Variants in PCDH15 observed in about 807,000 individuals in gnomAD.
PCDH15 encodes protocadherin related 15, also known as protocadherin-15.
A neutral mutation model predicts 178.5 loss-of-function variants in PCDH15; 129 were observed. The observed-to-expected ratio is 0.72, with a 90% confidence interval of 0.63 to 0.84. The LOEUF is 0.84. Among genes scored for constraint, PCDH15 ranks in the 40% least tolerant of loss-of-function variants. PCDH15 has a pLI of 0.00. For missense variants in PCDH15, 2,230 were observed against 2,099.9 expected, an observed-to-expected ratio of 1.06 and a Z score of -1.21; for synonymous variants, 800 against 732.0, an observed-to-expected ratio of 1.09 and a Z score of -1.50.
intron 3 of PCDH15, among the ~76,000 whole-genome samples, chr10:54,833,338 A>AT (rs1396997640): frequency 6.6e-6 from 1 of 152,146 alleles, no homozygotes; most frequent in African/African-American, 2.4e-5. Context: ...CTGTGAAGGC[A>AT]TTTTTTAGAT....
chr10:54,946,590 C>A (rs968265041), intron 2 of PCDH15, among the ~76,000 whole-genome samples: 2 of 151,832 alleles, frequency 1.3e-5, no homozygotes, highest in Non-Finnish European at 2.9e-5. Flanking sequence ...GAAACACCCC[C>A]GCCCCTGACA....
At position 53,811,818 on chromosome 10, in the gene PCDH15, T is replaced by C. The variant is rs143958133; in HGVS notation, c.4492-199A>G. ...AAATCTATTCATTTTTTTCTGGCTG[T>C]AACCATTTGATACAAAATAAGGTTA... On this transcript the variant is annotated intron_variant, in intron 35 of 37. Coordinates refer to ENST00000644397, the MANE Select transcript of PCDH15 (RefSeq NM_001384140.1). Among the ~76,000 whole-genome samples, 38 of 152,302 alleles carry C rather than the reference T, an allele frequency of 2.5e-4. No individual in the cohort carries two copies. In the East Asian group the frequency reaches 7.3e-3, roughly 29 times the overall value.
rs534783212 is a variant in PCDH15 at position 55,114,210 on chromosome 10, C to G, written c.-80+52366G>C. 3.0e-4 allele frequency among the ~76,000 whole-genome samples: 46 copies of G among 152,272 alleles called. No individual in the cohort carries two copies. In the South Asian group the frequency reaches 8.9e-3, roughly 30 times the overall value. ...TCATGATCCTCCTGCCTTGGCCTCC[C>G]AAAGTGCTGAGATTACATGAGTGAA... On this transcript the variant is annotated intron_variant, in intron 2 of 5. Coordinates refer to the PCDH15 transcript ENST00000458638.
intron 2 of PCDH15, among the ~76,000 whole-genome samples, chr10:55,480,786 A>G (rs1840162286): frequency 6.6e-6 from 1 of 151,726 alleles, no homozygotes; most frequent in Admixed American, 6.6e-5. Flanking sequence ...ATTGGCCTGA[A>G]GTTTTCTTTT....
At chr10:55,149,208 G>T (rs1200231609) in intron 2 of PCDH15, among the ~76,000 whole-genome samples, 2 of 150,996 alleles carry the variant, frequency 1.3e-5, no homozygotes, top group Non-Finnish European at 3.0e-5. Context: ...ATTAGAAATG[G>T]AGCAGTCTTT....
chr10:54,449,415 CCA>C (rs2076331528), intron 3 of PCDH15, among the ~76,000 whole-genome samples: 1 of 151,698 alleles, frequency 6.6e-6, no homozygotes, highest in Non-Finnish European at 1.5e-5. Flanking sequence ...TCCCACATTG[CCA>C]CACACAGTTT....
At chr10:55,479,042 G>T (rs1165182071) in intron 2 of PCDH15, among the ~76,000 whole-genome samples, 5 of 150,630 alleles carry the variant, frequency 3.3e-5, no homozygotes, top group Non-Finnish European at 5.9e-5. Context: ...GAAGATCCTG[G>T]ACTCAGTTCT....
chr10:55,124,444 TA>T (rs1837848479), intron 2 of PCDH15, among the ~76,000 whole-genome samples: 1 of 152,132 alleles, frequency 6.6e-6, no homozygotes, highest in Non-Finnish European at 1.5e-5. Context: ...TAGAGCTTTT[TA>T]AAAACTTTAA....
chr10:55,156,266 A>T (rs539279953), intron 2 of PCDH15, among the ~76,000 whole-genome samples: 1 of 152,264 alleles, frequency 6.6e-6, no homozygotes, highest in African/African-American at 2.4e-5. Flanking sequence ...TTAAGAAAAC[A>T]TACGATTTTA....
chr10:53,927,903 T>G (rs1304661441), intron 25 of PCDH15, among the ~76,000 whole-genome samples: 6 of 152,116 alleles, frequency 3.9e-5, no homozygotes, highest in Non-Finnish European at 7.4e-5. Context: ...AATGAATGAT[T>G]AAGCAAAGTC....
At chr10:54,700,189 C>A (rs2132223460) in intron 1 of PCDH15, among the ~76,000 whole-genome samples, 1 of 152,142 alleles carries the variant, frequency 6.6e-6, no homozygotes, top group East Asian at 1.9e-4. Context: ...CCAAGGGAAT[C>A]AAAGAAGATA....
intron 2 of PCDH15, among the ~76,000 whole-genome samples, chr10:55,624,387 G>A (rs1385724134): frequency 6.6e-6 from 1 of 150,922 alleles, no homozygotes; most frequent in African/African-American, 2.5e-5. Context: ...ATTAAAGCAT[G>A]CAAGCTGCAT....
At chr10:54,251,666 G>C (rs994973682) in intron 8 of PCDH15, among the ~76,000 whole-genome samples, 1 of 152,136 alleles carries the variant, frequency 6.6e-6, no homozygotes, top group Non-Finnish European at 1.5e-5. Context: ...TTACCAAGAG[G>C]TTTGTTTATT....
At chr10:54,585,091 A>G (rs1280571902) in intron 2 of PCDH15, among the ~76,000 whole-genome samples, 3 of 152,140 alleles carry the variant, frequency 2.0e-5, no homozygotes, top group Admixed American at 2.0e-4. Flanking sequence ...TGGCTCAAGA[A>G]AGTCATTTTT....
intron 16 of PCDH15, among the ~76,000 whole-genome samples, chr10:54,088,208 A>G (rs1565224960): frequency 6.6e-6 from 1 of 152,168 alleles, no homozygotes; most frequent in Non-Finnish European, 1.5e-5. Flanking sequence ...ATTCTTAGTC[A>G]TACCTGGTTT....
intron 18 of PCDH15, among the ~76,000 whole-genome samples, chr10:54,047,044 A>G (rs771226689): frequency 1.3e-5 from 2 of 152,170 alleles, no homozygotes; most frequent in African/African-American, 2.4e-5. Context: ...ATTTGTATAA[A>G]GTAGGATCTC....
intron 28 of PCDH15, among the ~76,000 whole-genome samples, chr10:53,844,810 T>C (rs1020720134): frequency 2.0e-5 from 3 of 152,020 alleles, no homozygotes; most frequent in African/African-American, 7.2e-5. Flanking sequence ...CTTCAGGACA[T>C]TGGTGTGAGC....
At chr10:54,720,719 C>T (rs73262148) in intron 1 of PCDH15, among the ~76,000 whole-genome samples, 3,067 of 152,062 alleles carry the variant, frequency 0.02, 60 homozygotes, top group African/African-American at 0.049. Flanking sequence ...GTGCATCCAA[C>T]ACCAGAACAC....
intron 25 of PCDH15, among the ~76,000 whole-genome samples, chr10:53,910,933 T>G (rs552584421): frequency 1.3e-5 from 2 of 152,040 alleles, no homozygotes; most frequent in South Asian, 4.2e-4. Flanking sequence ...ATCAAGTTAA[T>G]GAAACAAAGT....
Sources: gnomAD v4.1 joint callset for allele counts (sites outside exome capture counted in the v4.1 genomes callset) on GRCh38, gnomAD v4.1.1 for gene constraint, MANE v1.5 for transcripts, NCBI Gene and HGNC (gene_info 2026-07-23, HGNC 2026-07-21) for gene names.